Variants in COL4A4 observed in about 807,000 individuals in gnomAD.
COL4A4 encodes the protein collagen alpha-4(IV) chain.
COL4A4 carries 105 observed loss-of-function variants against 192.9 expected under a neutral mutation model. The observed-to-expected ratio is 0.54, with a 90% confidence interval of 0.46 to 0.64. The LOEUF is 0.64. COL4A4 is among the 30% of genes least tolerant of loss of function. The probability of loss-of-function intolerance (pLI) is 0.00; values close to 1 mark genes in which losing one functional copy is unlikely to be tolerated. For missense variants in COL4A4, 1,967 were observed against 2,169.3 expected (o/e 0.91, Z 1.85); for synonymous variants, 762 against 769.9 (o/e 0.99, Z 0.17).
At chr2:227,057,311 A>T in intron 29 of COL4A4, 128 bp downstream of exon 29, 1 of 1,093,716 alleles carries the variant, frequency 9.1e-7, no homozygotes, top group Non-Finnish European at 1.3e-6. Flanking sequence ...GAAACTCATG[A>T]GTAACGAAGT....
At position 227,118,817 on chromosome 2, in the gene COL4A4, G is replaced by T. The variant is rs202164227; in HGVS notation, c.373-56C>A. On this transcript the variant is annotated intron_variant, in intron 6 of 47. Coordinates refer to ENST00000396625, the MANE Select transcript of COL4A4 (RefSeq NM_000092.5). ...TTTTGCGAAAATATCATTACATAAA[G>T]GTTATGCAATATGAATACTCAAATT... 1.5e-3 allele frequency: 1,647 copies of T among 1,081,406 alleles called. 1 individual carries two copies. Among genetic ancestry groups the T allele is most frequent in the Middle Eastern group, 5.3e-3 (22 of 4,184 alleles). The allele number at this position is 1,081,406 out of a possible 1,614,324, so 67.0% of individuals were successfully genotyped here.
At chr2:227,059,765 T>G (rs759436988) in intron 27 of COL4A4, 142 bp from the exon 28 acceptor site, 1 of 724,348 alleles carries the variant, frequency 1.4e-6, no homozygotes, top group Non-Finnish European at 2.4e-6. Flanking sequence ...ACAGTAATGT[T>G]GTTTTGCCAC....
At chr2:227,087,726 G>C (rs1012242285) in intron 22 of COL4A4, among the ~76,000 whole-genome samples, 1 of 152,162 alleles carries the variant, frequency 6.6e-6, no homozygotes, top group African/African-American at 2.4e-5. Context: ...AGAGCAACCA[G>C]AGTGAGTGAT....
At chr2:227,109,185 T>C (rs781065771) in intron 10 of COL4A4, 39 bp downstream of exon 10, 1 of 1,580,630 alleles carries the variant, frequency 6.3e-7, no homozygotes, top group Non-Finnish European at 8.7e-7. Flanking sequence ...ATGTAGAATC[T>C]GGTTTTTAAA....
At chr2:227,159,594 C>G (rs1379399742) in intron 1 of COL4A4, among the ~76,000 whole-genome samples, 3 of 152,132 alleles carry the variant, frequency 2.0e-5, no homozygotes, top group Admixed American at 1.3e-4. Flanking sequence ...TGGGAGGGAC[C>G]CAGTGGGAGG....
chr2:226,990,633 C>T, the COL4A4 span, among the ~76,000 whole-genome samples: 2 of 152,334 alleles, frequency 1.3e-5, no homozygotes, highest in South Asian at 4.1e-4. Context: ...AATTGCTTCT[C>T]TTCCCTTAGA....
chr2:227,145,412 G>T (rs2001851), intron 2 of COL4A4, among the ~76,000 whole-genome samples: 5,748 of 152,096 alleles, frequency 0.038, 355 homozygotes, highest in African/African-American at 0.13. Flanking sequence ...GTGCCACTGC[G>T]CTCCAGCCTG....
At chr2:227,010,715 T>A (rs979089149) in intron 45 of COL4A4, among the ~76,000 whole-genome samples, 1 of 152,232 alleles carries the variant, frequency 6.6e-6, no homozygotes, top group African/African-American at 2.4e-5. Context: ...AACTCCTAGA[T>A]GCCTGGGCTA....
rs1385708518 is a variant in COL4A4, at chr2:227,007,380, C to T, written c.5018G>A (p.Ser1673Asn). The T allele has an allele frequency of 6.2e-7, 1 of 1,614,214 alleles. No individual in the cohort carries two copies. The highest frequency in any genetic ancestry group is 1.1e-5 in the South Asian group (1 of 91,086). ...GCTGATTTTCTGGCGTTGGGCCTGG[C>T]TTTCTTTTAAGGTGTCTGGTGCTGG... Reference protein sequence around the residue: ...SAPAPDTLKESQAQRQKISRC... With the variant: ...SAPAPDTLKENQAQRQKISRC... Residue 1673 changes from serine (S) to asparagine (N), a missense_variant, in exon 48 of 48, where the codon AGC becomes AAC. Transcript: ENST00000396625.
At chr2:227,089,748 A>G in intron 21 of COL4A4, 120 bp downstream of exon 21, 1 of 793,116 alleles carries the variant, frequency 1.3e-6, no homozygotes. Context: ...GGAGTACTCT[A>G]GTGGGTGACT....
chr2:227,000,037 G>A (rs1228994681), downstream of COL4A4, among the ~76,000 whole-genome samples: 1 of 152,224 alleles, frequency 6.6e-6, no homozygotes, highest in Non-Finnish European at 1.5e-5. Flanking sequence ...ATTCTTTCAA[G>A]TTATTGCCTG....
rs528135109 is a variant in COL4A4 at position 227,123,524 on chromosome 2, A to T, written c.193-2376T>A. The stretch of plus-strand genomic sequence containing the variant: ...GCCAAGAAAGGGGCAGTTTCAGGTC[A>T]GTTATACTGTGGGCACCTGGGACTT... On this transcript the variant is annotated intron_variant, in intron 4 of 47. Transcript: ENST00000396625. This position sits in a 1 kb window ranked among gnomAD's most constrained non-coding sequence, Gnocchi z 4.6. 1.3e-5 allele frequency among the ~76,000 whole-genome samples: 2 copies of T among 152,198 alleles called. No individual in the cohort carries two copies. The highest frequency in any genetic ancestry group is 2.9e-5 in the Non-Finnish European group (2 of 68,032).
chr2:227,042,098 C>A (rs758781246), intron 37 of COL4A4, 50 bp downstream of exon 37: 1 of 1,126,862 alleles, frequency 8.9e-7, no homozygotes, highest in South Asian at 1.2e-5. Context: ...CATCAATTTG[C>A]CCTCATTGGG....
chr2:226,992,522 A>G, the COL4A4 span, among the ~76,000 whole-genome samples: 1 of 152,312 alleles, frequency 6.6e-6, no homozygotes, highest in South Asian at 2.1e-4. Flanking sequence ...TTGTATTGTT[A>G]TACCCAAGGT....
chr2:227,093,856 C>G (rs1222053460), intron 20 of COL4A4, among the ~76,000 whole-genome samples: 2 of 151,988 alleles, frequency 1.3e-5, no homozygotes, highest in Non-Finnish European at 2.9e-5. Context: ...ATATATAACT[C>G]TGATGAAAAT....
In COL4A4 at chr2:227,022,223, A is replaced by G. The variant is rs890155293; in HGVS notation, c.4091-50T>C. ...TAATGGATGCACGTGCTTATGAACA[A>G]GCTCCTTCTACAGTCTCTGGTTAAA... On this transcript the variant is annotated intron_variant, in intron 43 of 47. Transcript: ENST00000396625. 4.3e-6 allele frequency: 7 copies of G among 1,611,638 alleles called. No individual in the cohort carries two copies. In the African/African-American group the frequency reaches 8.0e-5, roughly 18 times the overall value.
At chr2:226,985,251 T>G in the COL4A4 span, among the ~76,000 whole-genome samples, 1 of 152,208 alleles carries the variant, frequency 6.6e-6, no homozygotes, top group Non-Finnish European at 1.5e-5. Flanking sequence ...TATCCATATC[T>G]GTATCTATAT....
Position 227,103,186 on chromosome 2 carries a change from T to C in COL4A4, c.828A>G (p.Gly276=), listed in dbSNP as rs776315317. 1 of 1,612,632 alleles carries C rather than the reference T, an allele frequency of 6.2e-7. No homozygotes were observed. Among genetic ancestry groups the C allele is most frequent in the Admixed American group, 1.7e-5 (1 of 59,948 alleles). ...CLYKGEKGIK[G]IPGMVGLPGP... is the part of the protein sequence containing the mutation. ...CTGGCAGTCCAACCATTCCAGGAAT[T>C]CCTTTTATACCCTAAAAATTACAAT... The change falls in exon 14 of 48, where the codon GGA becomes GGG. Residue 276 remains glycine (G), a synonymous_variant. Transcript: ENST00000396625.
chr2:227,158,085 A>G (rs2125525614), intron 1 of COL4A4, among the ~76,000 whole-genome samples: 1 of 152,286 alleles, frequency 6.6e-6, no homozygotes, highest in Non-Finnish European at 1.5e-5. Flanking sequence ...AAAAAGCAAC[A>G]AAGTTGAAGG....
Sources: gnomAD v4.1 joint callset for allele counts (sites outside exome capture counted in the v4.1 genomes callset) on GRCh38, gnomAD v4.1.1 for gene constraint, Gnocchi (gnomAD v3.1) non-coding constraint, MANE v1.5 for transcripts, NCBI Gene and HGNC (gene_info 2026-07-23, HGNC 2026-07-21) for gene names.